FARSB: variants seen among roughly 807,000 people sequenced by gnomAD.
FARSB encodes the protein phenylalanine--tRNA ligase beta subunit.
FARSB carries 40 observed loss-of-function variants against 69.6 expected under a neutral mutation model. The ratio of observed to expected loss-of-function variants is 0.57; its 90% confidence interval spans 0.45 to 0.75. The LOEUF is 0.75. FARSB is among the 30% of genes least tolerant of loss of function. The pLI is 0.00. For synonymous variants in FARSB, 235 were observed against 247.2 expected, an observed-to-expected ratio of 0.95 and a Z score of 0.46; for missense variants, 632 against 722.9, an observed-to-expected ratio of 0.87 and a Z score of 1.44.
At chr2:222,592,655 T>C (rs1690304856) in intron 16 of FARSB, among the ~76,000 whole-genome samples, 1 of 149,840 alleles carries the variant, frequency 6.7e-6, no homozygotes, top group Non-Finnish European at 1.5e-5. Context: ...TCGTTTTCTA[T>C]AGAATAGTGG....
intron 12 of FARSB, 114 bp downstream of exon 12, chr2:222,624,158 C>A: frequency 1.4e-6 from 1 of 730,614 alleles, no homozygotes; most frequent in Non-Finnish European, 2.4e-6. Context: ...CCTCTCATTG[C>A]AGAGCATGTC....
At chr2:222,640,233 A>C (rs1050514031) in intron 4 of FARSB, among the ~76,000 whole-genome samples, 7 of 152,202 alleles carry the variant, frequency 4.6e-5, no homozygotes, top group Admixed American at 4.6e-4. Context: ...GCTCACAGCT[A>C]TAATCCCAGC....
intron 10 of FARSB, among the ~76,000 whole-genome samples, chr2:222,625,560 C>G (rs1691247644): frequency 1.3e-5 from 2 of 152,192 alleles, no homozygotes; most frequent in African/African-American, 2.4e-5. Flanking sequence ...GTCTTGATAG[C>G]TAGTGGCAGT....
In FARSB at chr2:222,567,971, A is replaced by G. The variant is rs1689659469; in HGVS notation, c.*3900T>C. ...TCATTTAAAAGAATGAGATAGGTCT[A>G]TAGGCACTGACCTGAAAAAATGGGG... is the stretch of plus-strand genomic sequence containing the variant. On this transcript the variant is annotated 3_prime_UTR_variant, in exon 17 of 17. Transcript: ENST00000281828. The G allele has an allele frequency of 6.6e-6, 1 of 152,248 alleles. No individual in the cohort carries two copies. Among genetic ancestry groups the G allele is most frequent in the Non-Finnish European group, 1.5e-5 (1 of 68,044 alleles). 9.4% of individuals were successfully genotyped at this position (152,248 alleles called of 1,614,324 possible). A position where few individuals can be genotyped will look rare whatever the true frequency, so the allele number is the denominator to read the frequency against.
At chr2:222,587,665 A>G (rs1690154738) in intron 16 of FARSB, among the ~76,000 whole-genome samples, 1 of 152,186 alleles carries the variant, frequency 6.6e-6, no homozygotes, top group South Asian at 2.1e-4. Context: ...TAAAAAAATG[A>G]TAAAGGGGAT....
At chr2:222,593,092 T>C (rs2106191407) in intron 16 of FARSB, among the ~76,000 whole-genome samples, 1 of 152,214 alleles carries the variant, frequency 6.6e-6, no homozygotes, top group South Asian at 2.1e-4. Context: ...GGTCTTGGAA[T>C]GTATACCCTG....
At chr2:222,635,235 T>C (rs1218286141) in intron 5 of FARSB, among the ~76,000 whole-genome samples, 1 of 152,200 alleles carries the variant, frequency 6.6e-6, no homozygotes, top group Non-Finnish European at 1.5e-5. Context: ...AATTAGAATC[T>C]AAAAGCCTAA....
At chr2:222,655,959 G>T in intron 1 of FARSB, 57 bp downstream of exon 1, 2 of 1,367,464 alleles carry the variant, frequency 1.5e-6, no homozygotes, top group Non-Finnish European at 2.0e-6. Flanking sequence ...CCCTTTTGGA[G>T]GGAGGCCCTG....
At chr2:222,579,974 T>G (rs1689926510) in intron 16 of FARSB, among the ~76,000 whole-genome samples, 1 of 152,204 alleles carries the variant, frequency 6.6e-6, no homozygotes, top group Non-Finnish European at 1.5e-5. Context: ...GTGAAGGAAT[T>G]AAGTCTTTAA....
At chr2:222,572,111 TA>T in intron 16 of FARSB, 89 bp from the exon 17 acceptor site, 1 of 1,044,060 alleles carries the variant, frequency 9.6e-7, no homozygotes, top group Non-Finnish European at 1.4e-6. Flanking sequence ...TAGTCTACTT[TA>T]AAAATAACTA....
At position 222,605,161 on chromosome 2, in the gene FARSB, TTCTCTCTCTCTC is replaced by T. The variant is rs71053093; in HGVS notation, c.1463-5090_1463-5079del. Among the ~76,000 whole-genome samples the T allele has an allele frequency of 4.5e-5, 6 of 132,750 alleles. No individual in the cohort carries two copies. The South Asian group carries it at 7.6e-4, about 17-fold the overall frequency. The allele number at this position is 132,750 out of a possible 152,430, so 87.1% of individuals were successfully genotyped here. A position where few individuals can be genotyped will look rare whatever the true frequency, so the allele number is the denominator to read the frequency against. On this transcript the variant is annotated intron_variant, in intron 15 of 16. Coordinates refer to ENST00000281828, the MANE Select transcript of FARSB (RefSeq NM_005687.5). ...TGATTCCACTGTAGGAATACAAACTTTCTCTCTCTCTCTCTCTCTCTCTCTCTCTCTCTGTGT... is the reference window on the plus strand; with the variant it reads ...TGATTCCACTGTAGGAATACAAACTTTCTCTCTCTCTCTCTCTCTCTGTGT...
intron 11 of FARSB, 34 bp downstream of exon 11, chr2:222,624,680 T>G (rs766918297): frequency 4.5e-5 from 66 of 1,467,044 alleles, no homozygotes; most frequent in Non-Finnish European, 6.0e-5. Flanking sequence ...ACGTGTACTT[T>G]GTTCTTGAAT....
At chr2:222,642,746 C>A in intron 3 of FARSB, 105 bp downstream of exon 3, 1 of 777,238 alleles carries the variant, frequency 1.3e-6, no homozygotes, top group East Asian at 2.5e-5. Context: ...AAGCTACGTT[C>A]CTCTACAAGC....
intron 5 of FARSB, among the ~76,000 whole-genome samples, chr2:222,635,521 A>G (rs1185754197): frequency 1.3e-5 from 2 of 152,202 alleles, no homozygotes; most frequent in Admixed American, 1.3e-4. Flanking sequence ...ATAAACCCAG[A>G]ACTATCATAG....
rs143141834 is a variant in FARSB at position 222,650,530 on chromosome 2, T to C, written c.59-1735A>G. ...GGCTCGATGGCCGAATGATGGGAGG[T>C]AGGAATAGGGAGTGTGTAGAAGGAG... On this transcript the variant is annotated intron_variant, in intron 1 of 16. Transcript: ENST00000281828. Among the ~76,000 whole-genome samples the C allele has an allele frequency of 2.7e-3, 417 of 151,934 alleles. 1 individual carries two copies. Among genetic ancestry groups the C allele is most frequent in the African/African-American group, 8.7e-3 (361 of 41,448 alleles).
At chr2:222,590,169 G>A (rs1259495084) in intron 16 of FARSB, among the ~76,000 whole-genome samples, 5 of 152,110 alleles carry the variant, frequency 3.3e-5, no homozygotes, top group East Asian at 1.9e-4. Context: ...TATACACCAC[G>A]GAATACTATG....
At chr2:222,641,025 G>A in intron 3 of FARSB, 94 bp from the exon 4 acceptor site, 1 of 458,148 alleles carries the variant, frequency 2.2e-6, no homozygotes, top group Non-Finnish European at 3.7e-6. Context: ...TATACAAAAT[G>A]AATTAGGGCA....
intron 15 of FARSB, among the ~76,000 whole-genome samples, chr2:222,607,760 A>AG (rs1159404969): frequency 6.6e-6 from 1 of 152,140 alleles, no homozygotes; most frequent in Non-Finnish European, 1.5e-5. Flanking sequence ...AAAGAAATAA[A>AG]GCTTAAGAAC....
At position 222,642,424 on chromosome 2, in the gene FARSB, T is replaced by C. The variant is rs189043463; in HGVS notation, c.269+427A>G. ...AGATCACAGAGCCGTCATAAGATCT[T>C]TGGTTTTTCCAGTTAGGAGGCTTCA... On this transcript the variant is annotated intron_variant, in intron 3 of 16. Coordinates refer to ENST00000281828, the MANE Select transcript of FARSB (RefSeq NM_005687.5). Among the ~76,000 whole-genome samples the C allele has an allele frequency of 3.3e-5, 5 of 152,310 alleles. No homozygotes were observed. The East Asian group carries it at 9.6e-4, about 29-fold the overall frequency.
Sources: allele counts gnomAD v4.1 joint callset (sites outside exome capture counted in the v4.1 genomes callset), GRCh38; gene constraint gnomAD v4.1.1; transcripts MANE v1.5; gene names NCBI Gene and HGNC (gene_info 2026-07-23, HGNC 2026-07-21).